The following TMEM196 variants were observed in gnomAD, a reference collection of about 807,000 sequenced individuals.
TMEM196 encodes the protein transmembrane protein 196.
Under a neutral mutation model 20.0 loss-of-function variants are expected in TMEM196, and 17 were observed. The ratio of observed to expected loss-of-function variants is 0.85; its 90% confidence interval spans 0.58 to 1.27. The LOEUF (loss-of-function observed/expected upper bound fraction) is 1.27, where lower values mean the gene tolerates loss of function less well. TMEM196 is among the 50% of genes most tolerant of loss of function. The pLI, the probability that TMEM196 is intolerant of heterozygous loss-of-function variation, is 0.00. For missense variants in TMEM196, 267 were observed against 223.0 expected, an observed-to-expected ratio of 1.20 and a Z score of -1.26; for synonymous variants, 113 against 88.9, an observed-to-expected ratio of 1.27 and a Z score of -1.52.
chr7:19,720,992 G>T lies in TMEM196; in HGVS notation c.*1136C>A, dbSNP rs1783794771. On this transcript the variant is annotated 3_prime_UTR_variant, in exon 5 of 5. Transcript: ENST00000405844. The stretch of plus-strand genomic sequence containing the variant: ...TACGGAAGTATGTCATTAAAGTCAT[G>T]TTCGTTTATAAATTAATTTTAATTG... 1 of 151,760 alleles carries T rather than the reference G, an allele frequency of 6.6e-6. No individual in the cohort carries two copies. The highest frequency in any genetic ancestry group is 6.6e-5 in the Admixed American group (1 of 15,218). The allele number at this position is 151,760 out of a possible 1,614,324, so 9.4% of individuals were successfully genotyped here.
At chr7:19,771,466 A>AT (rs1785877221) in intron 1 of TMEM196, among the ~76,000 whole-genome samples, 1 of 152,208 alleles carries the variant, frequency 6.6e-6, no homozygotes, top group South Asian at 2.1e-4. Flanking sequence ...AAAATGAATT[A>AT]CTTTTGAATA....
chr7:19,755,720 G>C (rs1785182674), intron 1 of TMEM196, among the ~76,000 whole-genome samples: 1 of 152,062 alleles, frequency 6.6e-6, no homozygotes, highest in African/African-American at 2.4e-5. Context: ...CTCATCTATT[G>C]TTAATGTCTT....
In TMEM196 at chr7:19,741,406, G is replaced by T. The variant is rs75841228; in HGVS notation, c.148-11968C>A. 7.0e-4 allele frequency among the ~76,000 whole-genome samples: 106 copies of T among 152,222 alleles called. 1 individual carries two copies. In the East Asian group the frequency reaches 0.016, roughly 22 times the overall value. On this transcript the variant is annotated intron_variant, in intron 1 of 4. Coordinates refer to ENST00000405844, the MANE Select transcript of TMEM196 (RefSeq NM_001363562.2). ...ATGAGTGTATTTACAGTATCCATGG[G>T]GAGGTACAAAAATTAATCAATTTCA...
chr7:19,737,048 C>A (rs779168839), intron 1 of TMEM196, among the ~76,000 whole-genome samples: 2 of 151,566 alleles, frequency 1.3e-5, no homozygotes, highest in Non-Finnish European at 2.9e-5. Context: ...AAGAAAGGCA[C>A]CTATACAAAT....
At chr7:19,725,853 G>A (rs1264224992) in intron 2 of TMEM196, 85 bp from the exon 3 acceptor site, 3 of 1,439,384 alleles carry the variant, frequency 2.1e-6, no homozygotes, top group Non-Finnish European at 2.8e-6. Flanking sequence ...GCATGTCAAG[G>A]ATGACTAGCC....
chr7:19,727,436 A>G (rs1373004522), intron 2 of TMEM196, among the ~76,000 whole-genome samples: 1 of 152,178 alleles, frequency 6.6e-6, no homozygotes, highest in African/African-American at 2.4e-5. Context: ...TGTAAATATC[A>G]TCAGAGCTAA....
At chr7:19,759,673 C>T (rs1207006950) in intron 1 of TMEM196, among the ~76,000 whole-genome samples, 1 of 151,942 alleles carries the variant, frequency 6.6e-6, no homozygotes, top group East Asian at 1.9e-4. Context: ...CACACATGCA[C>T]ACAGAGTTTT....
At chr7:19,734,253 C>T (rs991477853) in intron 1 of TMEM196, among the ~76,000 whole-genome samples, 3 of 152,048 alleles carry the variant, frequency 2.0e-5, no homozygotes, top group Non-Finnish European at 4.4e-5. Context: ...ATACAAAATA[C>T]TGAAAAAAAA....
At chr7:19,771,826 A>G (rs982743635) in intron 1 of TMEM196, among the ~76,000 whole-genome samples, 6 of 152,320 alleles carry the variant, frequency 3.9e-5, no homozygotes, top group Middle Eastern at 6.8e-3. Flanking sequence ...AGTTTCTCTG[A>G]GCAGTTAGGT....
intron 2 of TMEM196, among the ~76,000 whole-genome samples, chr7:19,727,197 A>C (rs987772081): frequency 1.3e-5 from 2 of 152,200 alleles, no homozygotes; most frequent in Non-Finnish European, 2.9e-5. Context: ...ATCATTCATA[A>C]TAATTCCTCT....
At chr7:19,723,688 A>C (rs1783888421) in intron 4 of TMEM196, among the ~76,000 whole-genome samples, 2 of 152,176 alleles carry the variant, frequency 1.3e-5, no homozygotes, top group Admixed American at 6.5e-5. Context: ...GCTTTCTGCA[A>C]ATGGGCCATA....
At chr7:19,762,229 G>A (rs937042924) in intron 1 of TMEM196, among the ~76,000 whole-genome samples, 3 of 151,824 alleles carry the variant, frequency 2.0e-5, no homozygotes, top group Non-Finnish European at 1.5e-5. Context: ...AAGAAAACCC[G>A]TCTCATAGAT....
chr7:19,756,660 T>G (rs17452685), intron 1 of TMEM196, among the ~76,000 whole-genome samples: 2 of 151,130 alleles, frequency 1.3e-5, no homozygotes, highest in Non-Finnish European at 3.0e-5. Flanking sequence ...AAGTTCTTAT[T>G]GAAAGACATT....
At chr7:19,769,047 C>T (rs755191821) in intron 1 of TMEM196, among the ~76,000 whole-genome samples, 20 of 151,966 alleles carry the variant, frequency 1.3e-4, no homozygotes, top group Non-Finnish European at 2.8e-4. Context: ...TTTTATAGTG[C>T]AGCTTTTACT....
chr7:19,731,486 G>A (rs772842954), intron 1 of TMEM196, among the ~76,000 whole-genome samples: 27 of 152,092 alleles, frequency 1.8e-4, no homozygotes, highest in South Asian at 6.2e-4. Context: ...AGTGCTTCAA[G>A]CTTCAGATCA....
intron 1 of TMEM196, among the ~76,000 whole-genome samples, chr7:19,759,823 G>A (rs962296061): frequency 6.6e-6 from 1 of 152,092 alleles, no homozygotes. Context: ...GTCTTATCAA[G>A]TAACTATCTG....
chr7:19,735,418 T>C (rs1315744853), intron 1 of TMEM196, among the ~76,000 whole-genome samples: 1 of 152,170 alleles, frequency 6.6e-6, no homozygotes, highest in Non-Finnish European at 1.5e-5. Flanking sequence ...GTAAAACCCT[T>C]TTCTTTCCCT....
chr7:19,764,503 A>G (rs936844272), intron 1 of TMEM196, among the ~76,000 whole-genome samples: 1 of 152,148 alleles, frequency 6.6e-6, no homozygotes, highest in Non-Finnish European at 1.5e-5. Flanking sequence ...CCTCTTCTCC[A>G]TGACTTTACA....
intron 4 of TMEM196, among the ~76,000 whole-genome samples, chr7:19,723,221 C>T (rs1267816173): frequency 1.3e-5 from 2 of 152,044 alleles, no homozygotes; most frequent in East Asian, 1.9e-4. Context: ...TGATTTGAGG[C>T]TTCATTGAGG....
Sources: gnomAD v4.1 joint callset for allele counts (sites outside exome capture counted in the v4.1 genomes callset) on GRCh38, gnomAD v4.1.1 for gene constraint, MANE v1.5 for transcripts, NCBI Gene and HGNC (gene_info 2026-07-23, HGNC 2026-07-21) for gene names.